The following RNPC3 variants were observed in gnomAD, a reference collection of about 807,000 sequenced individuals.
RNPC3 encodes the protein RNA binding region (RNP1, RRM) containing 3, also known as RNA-binding region-containing protein 3.
In RNPC3, 48 loss-of-function variants were observed where a neutral mutation model predicts 67.5. The ratio of observed to expected loss-of-function variants is 0.71; its 90% CI spans 0.56 to 0.90. The LOEUF is 0.90. Ranked by LOEUF, RNPC3 falls within the 40% of genes least tolerant of loss-of-function variation. The probability of loss-of-function intolerance (pLI) is 0.00; values close to 1 mark genes in which losing one functional copy is unlikely to be tolerated. For missense variants in RNPC3, 637 were observed against 626.1 expected, an observed-to-expected ratio of 1.02 and a Z score of -0.19; for synonymous variants, 239 against 210.3, an observed-to-expected ratio of 1.14 and a Z score of -1.18.
At chr1:103,551,551 G>A (rs901658653) in intron 13 of RNPC3, among the ~76,000 whole-genome samples, 170 bp from the exon 14 acceptor site, 1 of 152,088 alleles carries the variant, frequency 6.6e-6, no homozygotes, top group East Asian at 1.9e-4. Context: ...AATAATGACT[G>A]TAAAGGAAAA....
At chr1:103,530,961 T>C (rs1314383632) in intron 2 of RNPC3, among the ~76,000 whole-genome samples, 2 of 152,182 alleles carry the variant, frequency 1.3e-5, no homozygotes, top group Admixed American at 1.3e-4. Flanking sequence ...ATATACACTG[T>C]GCCCATTGTG....
intron 3 of RNPC3, among the ~76,000 whole-genome samples, chr1:103,534,463 T>C (rs572337849): frequency 1.3e-5 from 2 of 152,194 alleles, no homozygotes; most frequent in Non-Finnish European, 2.9e-5. Context: ...TTTTATACCA[T>C]GTAAACTTTA....
intron 7 of RNPC3, 55 bp downstream of exon 7, chr1:103,537,539 A>C (rs974241913): frequency 2.6e-5 from 37 of 1,423,204 alleles, no homozygotes; most frequent in Non-Finnish European, 3.2e-5. Context: ...TGTAAGAAAG[A>C]GACTCTTGCT....
At chr1:103,540,547 GTTTT>G (rs901076698) in intron 7 of RNPC3, among the ~76,000 whole-genome samples, 1 of 152,028 alleles carries the variant, frequency 6.6e-6, no homozygotes, top group African/African-American at 2.4e-5. Context: ...GTAAACCATG[GTTTT>G]TTAAAAGGGT....
intron 14 of RNPC3, chr1:103,554,753 T>C (rs181222329): frequency 4.6e-5 from 7 of 152,716 alleles, no homozygotes; most frequent in African/African-American, 1.7e-4. Flanking sequence ...TCTGCTACTA[T>C]TATTAGATCT....
At chr1:103,532,086 G>A (rs553026585) in intron 2 of RNPC3, among the ~76,000 whole-genome samples, 1 of 152,228 alleles carries the variant, frequency 6.6e-6, no homozygotes, top group South Asian at 2.1e-4. Context: ...TGAATAAGGT[G>A]TCTTTTCCCT....
intron 8 of RNPC3, among the ~76,000 whole-genome samples, 185 bp downstream of exon 8, chr1:103,541,660 T>C (rs989519318): frequency 6.6e-6 from 1 of 152,126 alleles, no homozygotes; most frequent in Non-Finnish European, 1.5e-5. Context: ...CTCTTCTCTG[T>C]CGTAAGCCTT....
chr1:103,530,688 G>A (rs937450970), intron 2 of RNPC3, among the ~76,000 whole-genome samples: 1 of 152,204 alleles, frequency 6.6e-6, no homozygotes, highest in African/African-American at 2.4e-5. Flanking sequence ...TTTTGCTGTT[G>A]TGACTAGACT....
At chr1:103,546,879 A>C in intron 11 of RNPC3, 98 bp from the exon 12 acceptor site, 1 of 632,068 alleles carries the variant, frequency 1.6e-6, no homozygotes, top group Non-Finnish European at 2.7e-6. Flanking sequence ...ACCTTAGTCC[A>C]GTATGACCTC....
chr1:103,532,774 T>C (rs534802706), intron 2 of RNPC3, among the ~76,000 whole-genome samples: 2 of 152,222 alleles, frequency 1.3e-5, no homozygotes, highest in African/African-American at 4.8e-5. Flanking sequence ...TGCAACCAAG[T>C]GAAGACTAGG....
rs888034883 is a variant in RNPC3, at chr1:103,526,003, T to C, written c.-68T>C. On this transcript the variant is annotated 5_prime_UTR_variant, in exon 1 of 15. Transcript: ENST00000423855. ...AGGCGGAAAAAATATTTCTCCCAGC[T>C]TGTGTTGATGCCGCGATTTTGACTG... is the stretch of plus-strand genomic sequence containing the variant. The C allele has an allele frequency of 1.7e-5, 21 of 1,251,260 alleles. 1 individual carries two copies. The highest frequency in any genetic ancestry group is 3.8e-4 in the Middle Eastern group (2 of 5,232). The allele number at this position is 1,251,260 out of a possible 1,614,324, so 77.5% of individuals were successfully genotyped here.
chr1:103,551,502 C>A (rs1180845388), intron 13 of RNPC3, among the ~76,000 whole-genome samples: 1 of 152,046 alleles, frequency 6.6e-6, no homozygotes, highest in African/African-American at 2.4e-5. Context: ...AACTAGAAAT[C>A]AGCAAGATAG....
At chr1:103,540,638 T>C (rs1651104285) in intron 7 of RNPC3, among the ~76,000 whole-genome samples, 1 of 152,194 alleles carries the variant, frequency 6.6e-6, no homozygotes, top group African/African-American at 2.4e-5. Flanking sequence ...CCCTCCTTCC[T>C]CTCTTTTGTA....
chr1:103,549,082 T>G (rs536418165), intron 12 of RNPC3, among the ~76,000 whole-genome samples: 1 of 152,274 alleles, frequency 6.6e-6, no homozygotes, highest in African/African-American at 2.4e-5. Flanking sequence ...CACATGGGAA[T>G]TGTAGGAGTT....
Position 103,528,449 on chromosome 1 carries a change from G to C in RNPC3, c.240+707G>C, listed in dbSNP as rs142352635. 8.3e-4 allele frequency among the ~76,000 whole-genome samples: 127 copies of C among 152,260 alleles called. 1 individual carries two copies. Among genetic ancestry groups the C allele is most frequent in the African/African-American group, 3.0e-3 (123 of 41,552 alleles). ...CAAGAATAACTATCTGAAGAAGACA[G>C]TAAGAAGACAAAGGGGGAAGTAAAT... is the stretch of plus-strand genomic sequence containing the variant. On this transcript the variant is annotated intron_variant, in intron 2 of 14. Transcript: ENST00000423855.
chr1:103,530,639 T>C (rs1171348879), intron 2 of RNPC3, among the ~76,000 whole-genome samples: 2 of 152,080 alleles, frequency 1.3e-5, no homozygotes, highest in Admixed American at 6.5e-5. Flanking sequence ...TAGGGAGCCA[T>C]TGGAGCAAGG....
intron 8 of RNPC3, among the ~76,000 whole-genome samples, 176 bp downstream of exon 8, chr1:103,541,651 T>G (rs957489210): frequency 5.3e-5 from 8 of 152,136 alleles, no homozygotes; most frequent in African/African-American, 1.9e-4. Flanking sequence ...ACCACTACTC[T>G]CTTCTCTGTC....
intron 6 of RNPC3, 95 bp from the exon 7 acceptor site, chr1:103,537,247 C>A: frequency 1.2e-6 from 1 of 839,902 alleles, no homozygotes. Context: ...AAAAAAAAGA[C>A]CATGTGATAG....
rs1194224088 is a variant in RNPC3 at position 103,528,337 on chromosome 1, A to G, written c.240+595A>G. On this transcript the variant is annotated intron_variant, in intron 2 of 14. Transcript: ENST00000423855. ...CATAATATGATCAGGCCTGTTAAAGATATCTGGTATAGTTCATATCATGGA... is the reference window on the plus strand; with the variant it reads ...CATAATATGATCAGGCCTGTTAAAGGTATCTGGTATAGTTCATATCATGGA... Among the ~76,000 whole-genome samples the G allele has an allele frequency of 3.3e-5, 5 of 152,200 alleles. No homozygotes were observed. In the East Asian group the frequency reaches 9.6e-4, roughly 29 times the overall value.
Sources: gnomAD v4.1 joint callset for allele counts (sites outside exome capture counted in the v4.1 genomes callset) on GRCh38, gnomAD v4.1.1 for gene constraint, MANE v1.5 for transcripts, NCBI Gene and HGNC (gene_info 2026-07-23, HGNC 2026-07-21) for gene names.